AP3D1: variants seen among roughly 807,000 people sequenced by gnomAD.
AP3D1 encodes the protein AP-3 complex subunit delta-1.
Under a neutral mutation model 147.6 loss-of-function variants are expected in AP3D1, and 51 were observed. That is an observed-to-expected ratio of 0.35 (90% CI 0.28 to 0.44). AP3D1 has a LOEUF of 0.44. Among genes scored for constraint, AP3D1 ranks in the 20% least tolerant of loss-of-function variants. The pLI, the probability that AP3D1 is intolerant of heterozygous loss-of-function variation, is 1.00. For missense variants in AP3D1, 1,421 were observed against 1,624.2 expected (o/e 0.87, Z 2.15); for synonymous variants, 760 against 663.0 (o/e 1.15, Z -2.25).
At chr19:2,157,785 A>G (rs2019660671) in intron 1 of AP3D1, among the ~76,000 whole-genome samples, 1 of 152,210 alleles carries the variant, frequency 6.6e-6, no homozygotes, top group Admixed American at 6.6e-5. Flanking sequence ...CACTTTGGCA[A>G]GGAGCAGGAA....
Position 2,109,419 on chromosome 19 carries a change from G to A in AP3D1, c.3351-212C>T, listed in dbSNP as rs545554803. ...CTGACAATGACTTGTCTTTAAAGAGGTCACAGAGGTGCCTGAAGCCATGGG... is the reference window on the plus strand; with the variant it reads ...CTGACAATGACTTGTCTTTAAAGAGATCACAGAGGTGCCTGAAGCCATGGG... On this transcript the variant is annotated intron_variant, in intron 29 of 31. Transcript: ENST00000643116. 8.3e-6 allele frequency: 5 copies of A among 604,740 alleles called. No individual in the cohort carries two copies. The Admixed American group carries it at 1.8e-4, about 22-fold the overall frequency. The allele number at this position is 604,740 out of a possible 1,614,324, so 37.5% of individuals were successfully genotyped here. A position where few individuals can be genotyped will look rare whatever the true frequency, so the allele number is the denominator to read the frequency against.
intron 1 of AP3D1, among the ~76,000 whole-genome samples, chr19:2,145,142 C>T (rs994152730): frequency 6.6e-6 from 1 of 152,246 alleles, no homozygotes; most frequent in Non-Finnish European, 1.5e-5. Context: ...TCAGCAGCAT[C>T]ACAGGACAGG....
At chr19:2,143,923 G>C (rs982880174) in intron 1 of AP3D1, among the ~76,000 whole-genome samples, 17 of 151,818 alleles carry the variant, frequency 1.1e-4, no homozygotes, top group African/African-American at 3.6e-4. Context: ...CCCCATCTCC[G>C]CTAAAAATAC....
chr19:2,110,982 G>A (rs2018257958), intron 26 of AP3D1, 86 bp from the exon 27 acceptor site: 1 of 1,427,544 alleles, frequency 7.0e-7, no homozygotes, highest in Non-Finnish European at 9.6e-7. Flanking sequence ...GACCACAGAG[G>A]CAGCAGGGGT....
chr19:2,134,123 T>C (rs896374643), intron 4 of AP3D1, among the ~76,000 whole-genome samples: 4 of 151,660 alleles, frequency 2.6e-5, no homozygotes, highest in Non-Finnish European at 5.9e-5. Context: ...TAAAATAAAA[T>C]AACACAGTGA....
rs898787415 is a variant in AP3D1 at position 2,137,105 on chromosome 19, G to A, written c.274-14C>T. ...GTAGCCAATTCGCTGGGAGAGAACA[G>A]ATGAGCACATCAGAGGCAGGACACC... On this transcript the variant is annotated splice_polypyrimidine_tract_variant and intron_variant, in intron 3 of 31. Coordinates refer to ENST00000643116, the MANE Select transcript of AP3D1 (RefSeq NM_001261826.3). The A allele has an allele frequency of 1.9e-6, 3 of 1,572,768 alleles. No homozygotes were observed. Among genetic ancestry groups the A allele is most frequent in the Admixed American group, 1.8e-5 (1 of 54,400 alleles).
At chr19:2,112,049 C>T in intron 24 of AP3D1, 1 of 659,428 alleles carries the variant, frequency 1.5e-6, no homozygotes, top group East Asian at 2.9e-5. Context: ...AGCGCCAAAG[C>T]AGCCCGGGGA....
chr19:2,143,159 G>A (rs1434441230), intron 1 of AP3D1, among the ~76,000 whole-genome samples: 1 of 150,140 alleles, frequency 6.7e-6, no homozygotes, highest in African/African-American at 2.5e-5. Flanking sequence ...CACCTCCCAG[G>A]TTGAAGTGAT....
intron 31 of AP3D1, among the ~76,000 whole-genome samples, chr19:2,107,256 T>C (rs1188517522): frequency 1.4e-5 from 2 of 139,830 alleles, no homozygotes; most frequent in Non-Finnish European, 3.1e-5. Flanking sequence ...TGAGACTCCA[T>C]CTCAAAAAAA....
intron 1 of AP3D1, among the ~76,000 whole-genome samples, chr19:2,147,345 C>CAAAA (rs71176517): frequency 7.5e-5 from 6 of 80,260 alleles, no homozygotes; most frequent in Non-Finnish European, 1.2e-4. Context: ...AACTCTGTCT[C>CAAAA]AAAAAAAAAA....
intron 1 of AP3D1, among the ~76,000 whole-genome samples, chr19:2,148,745 T>A (rs1167923476): frequency 6.6e-6 from 1 of 152,196 alleles, no homozygotes; most frequent in Non-Finnish European, 1.5e-5. Context: ...CTCCCAAACC[T>A]CATGCGATTT....
chr19:2,109,499 G>T (rs1305864257), intron 29 of AP3D1: 4 of 498,848 alleles, frequency 8.0e-6, no homozygotes, highest in Middle Eastern at 1.1e-3. Flanking sequence ...TGGGGGGATA[G>T]GCTAGGATGC....
At chr19:2,122,430 C>A (rs969885298) in intron 11 of AP3D1, among the ~76,000 whole-genome samples, 1 of 152,218 alleles carries the variant, frequency 6.6e-6, no homozygotes, top group Non-Finnish European at 1.5e-5. Flanking sequence ...CGGGGCAGCA[C>A]TGAGCAGAGA....
intron 1 of AP3D1, among the ~76,000 whole-genome samples, chr19:2,150,676 T>C (rs984413955): frequency 6.6e-6 from 1 of 152,146 alleles, no homozygotes; most frequent in Admixed American, 6.5e-5. Context: ...GGGAGCGACC[T>C]GGACACGCAT....
At position 2,122,057 on chromosome 19, in the gene AP3D1, A is replaced by G. The variant is rs1599462512; in HGVS notation, c.956-178T>C. Among the ~76,000 whole-genome samples the G allele has an allele frequency of 2.6e-5, 4 of 152,290 alleles. No individual in the cohort carries two copies. The South Asian group carries it at 8.3e-4, about 32-fold the overall frequency. On this transcript the variant is annotated intron_variant, in intron 11 of 31. Coordinates refer to ENST00000643116, the MANE Select transcript of AP3D1 (RefSeq NM_001261826.3). ...TCACCACGAGGGATGTCGCCCTAGC[A>G]GAGCCCCCTCCCTGGGAGCCGGGGT...
intron 1 of AP3D1, 141 bp downstream of exon 1, chr19:2,151,098 G>T (rs1264534373): frequency 2.7e-6 from 2 of 737,458 alleles, no homozygotes; most frequent in Admixed American, 3.3e-5. Context: ...CCCAGGCCAG[G>T]CAGGGCCGGA....
intron 15 of AP3D1, among the ~76,000 whole-genome samples, chr19:2,117,861 C>T (rs900848391): frequency 1.3e-5 from 2 of 152,252 alleles, no homozygotes; most frequent in Admixed American, 6.5e-5. Flanking sequence ...ACGCCACTCC[C>T]GACCTCTCTC....
intron 4 of AP3D1, among the ~76,000 whole-genome samples, chr19:2,133,661 G>A (rs1262242471): frequency 6.6e-5 from 10 of 152,020 alleles, no homozygotes; most frequent in African/African-American, 9.7e-5. Flanking sequence ...GTGTCACCAC[G>A]CCTGGCTAAT....
At chr19:2,125,816 C>A in intron 9 of AP3D1, among the ~76,000 whole-genome samples, 1 of 149,146 alleles carries the variant, frequency 6.7e-6, no homozygotes, top group African/African-American at 2.5e-5. Flanking sequence ...TAATTGTCAA[C>A]TATACCTAAG....
Sources: allele counts gnomAD v4.1 joint callset (sites outside exome capture counted in the v4.1 genomes callset), GRCh38; gene constraint gnomAD v4.1.1; transcripts MANE v1.5; gene names NCBI Gene and HGNC (gene_info 2026-07-23, HGNC 2026-07-21).